Variants in CHRM3 observed in about 807,000 individuals in gnomAD.
CHRM3 encodes muscarinic acetylcholine receptor M3.
CHRM3 carries 11 observed loss-of-function variants against 41.8 expected under a neutral mutation model. That is an observed-to-expected ratio of 0.26 (90% CI 0.17 to 0.44). The LOEUF (loss-of-function observed/expected upper bound fraction) is 0.44, where lower values mean the gene tolerates loss of function less well. Among genes scored for constraint, CHRM3 ranks in the 20% least tolerant of loss-of-function variants. CHRM3 has a pLI of 1.00. For missense variants in CHRM3, 571 were observed against 745.4 expected (o/e 0.77, Z 2.72); for synonymous variants, 297 against 301.4 (o/e 0.99, Z 0.15).
rs572209105 is a variant in CHRM3, at chr1:239,422,792, T to C, written c.-521+35565T>C. Among the ~76,000 whole-genome samples, 20 of 143,794 alleles carry C rather than the reference T, an allele frequency of 1.4e-4. No individual in the cohort carries two copies. The South Asian group carries it at 4.4e-3, about 31-fold the overall frequency. The allele number at this position is 143,794 out of a possible 152,430, so 94.3% of individuals were successfully genotyped here. On this transcript the variant is annotated intron_variant, in intron 1 of 6. Transcript: ENST00000676153. Reference sequence around the variant, plus strand: ...CCTGGGTGACAAGAGTGAGACTCTATCTTAAAAAAAACAAAAACAAAAACA... The same window carrying C: ...CCTGGGTGACAAGAGTGAGACTCTACCTTAAAAAAAACAAAAACAAAAACA...
chr1:239,580,704 TACACACACACAC>T (rs1553332738), intron 3 of CHRM3, among the ~76,000 whole-genome samples: 7 of 131,086 alleles, frequency 5.3e-5, no homozygotes, highest in African/African-American at 1.7e-4. Context: ...TATATATATA[TACACACACACAC>T]ACACACACAC....
chr1:239,723,392 G>A (rs976878487), intron 5 of CHRM3, among the ~76,000 whole-genome samples: 3 of 151,864 alleles, frequency 2.0e-5, no homozygotes, highest in African/African-American at 4.8e-5. Context: ...GGTTAACAAT[G>A]TATATTATCT....
intron 5 of CHRM3, among the ~76,000 whole-genome samples, chr1:239,774,660 T>C (rs1272882024): frequency 1.3e-5 from 2 of 152,186 alleles, no homozygotes; most frequent in African/African-American, 4.8e-5. Context: ...ATCCTTTCCT[T>C]CTGGCAGCTT....
intron 5 of CHRM3, among the ~76,000 whole-genome samples, chr1:239,714,663 ATTCAAG>A (rs1662160589): frequency 6.6e-6 from 1 of 152,184 alleles, no homozygotes. Context: ...TAGGGAAGAA[ATTCAAG>A]TGTTTTAAGC....
At chr1:239,785,463 ACCC>A (rs1267057460) in intron 5 of CHRM3, among the ~76,000 whole-genome samples, 1 of 152,000 alleles carries the variant, frequency 6.6e-6, no homozygotes, top group East Asian at 1.9e-4. Context: ...AATTGTGTAA[ACCC>A]TTCGCTTTCT....
chr1:239,576,274 C>G (rs951650912), intron 3 of CHRM3, among the ~76,000 whole-genome samples: 1 of 68,908 alleles, frequency 1.5e-5, no homozygotes, highest in Non-Finnish European at 4.4e-5. Context: ...TCCCTACCCA[C>G]CCCCATCCCC....
At chr1:239,476,507 C>T (rs1394120137) in intron 1 of CHRM3, among the ~76,000 whole-genome samples, 1 of 151,652 alleles carries the variant, frequency 6.6e-6, no homozygotes, top group Non-Finnish European at 1.5e-5. Flanking sequence ...ACTGTAAAAC[C>T]TTCTTAGTAA....
At chr1:239,637,606 G>C (rs538488358) in intron 4 of CHRM3, among the ~76,000 whole-genome samples, 7 of 133,424 alleles carry the variant, frequency 5.2e-5, no homozygotes, top group Non-Finnish European at 9.2e-5. Context: ...GAGTCTGAAA[G>C]CCTTTGCTCT....
chr1:239,597,341 G>A (rs939600849), intron 3 of CHRM3, among the ~76,000 whole-genome samples: 3 of 152,222 alleles, frequency 2.0e-5, no homozygotes, highest in African/African-American at 7.2e-5. Flanking sequence ...CTATACACAA[G>A]GAAATTTATT....
chr1:239,576,792 A>G (rs1235194816), intron 3 of CHRM3, among the ~76,000 whole-genome samples: 1 of 151,694 alleles, frequency 6.6e-6, no homozygotes, highest in Non-Finnish European at 1.5e-5. Context: ...CCTATCTAAA[A>G]AAAAAAAAAA....
chr1:239,485,258 G>A (rs1180511231), intron 1 of CHRM3, among the ~76,000 whole-genome samples: 1 of 152,116 alleles, frequency 6.6e-6, no homozygotes, highest in Admixed American at 6.5e-5. Context: ...GCTCATGATT[G>A]TCAGCATCAC....
chr1:239,519,871 C>T (rs1421496585), intron 2 of CHRM3, among the ~76,000 whole-genome samples: 11 of 151,456 alleles, frequency 7.3e-5, no homozygotes, highest in Admixed American at 3.9e-4. Context: ...CCTCAGCCTC[C>T]CTAGTAGCTG....
chr1:239,490,747 T>C (rs1046997536), intron 1 of CHRM3, among the ~76,000 whole-genome samples: 5 of 151,906 alleles, frequency 3.3e-5, no homozygotes, highest in Non-Finnish European at 7.4e-5. Context: ...TTATTATTTA[T>C]TTATTTTATA....
At chr1:239,853,707 T>C (rs1674882482) in intron 6 of CHRM3, among the ~76,000 whole-genome samples, 1 of 152,124 alleles carries the variant, frequency 6.6e-6, no homozygotes, top group South Asian at 2.1e-4. Flanking sequence ...CTGATTCACC[T>C]GTGTGTTCCT....
In CHRM3 at chr1:239,725,698, T is replaced by G. The variant is rs552894587; in HGVS notation, c.-147+47410T>G. 5.3e-5 allele frequency among the ~76,000 whole-genome samples: 8 copies of G among 152,034 alleles called. No homozygotes were observed. The East Asian group carries it at 1.6e-3, about 30-fold the overall frequency. ...TGTTTAACCAACAGTAATGAAAGCT[T>G]TGCTGTCTAGCTAAACGCTTTATAA... is the stretch of plus-strand genomic sequence containing the variant. On this transcript the variant is annotated intron_variant, in intron 5 of 6. Transcript: ENST00000676153.
intron 1 of CHRM3, among the ~76,000 whole-genome samples, chr1:239,425,889 G>A (rs1287755613): frequency 6.6e-6 from 1 of 152,130 alleles, no homozygotes; most frequent in East Asian, 1.9e-4. Flanking sequence ...TGACATATGG[G>A]TCTCTTATAA....
intron 1 of CHRM3, among the ~76,000 whole-genome samples, chr1:239,394,192 CAA>C (rs1659285456): frequency 6.6e-6 from 1 of 152,170 alleles, no homozygotes; most frequent in Non-Finnish European, 1.5e-5. Flanking sequence ...TATTCTTTCA[CAA>C]TTCTGGAAGC....
chr1:239,446,139 G>A (rs1393202903), intron 1 of CHRM3, among the ~76,000 whole-genome samples: 1 of 152,152 alleles, frequency 6.6e-6, no homozygotes, highest in African/African-American at 2.4e-5. Flanking sequence ...GTTTCACCAT[G>A]TTGGCCAGGA....
intron 4 of CHRM3, among the ~76,000 whole-genome samples, chr1:239,668,159 C>A (rs891730872): frequency 8.3e-6 from 1 of 120,244 alleles, no homozygotes; most frequent in Admixed American, 1.2e-4. Flanking sequence ...AGTGCAGTGG[C>A]GTGATCTTGG....
Sources: allele counts gnomAD v4.1 joint callset (sites outside exome capture counted in the v4.1 genomes callset), GRCh38; gene constraint gnomAD v4.1.1; transcripts MANE v1.5; gene names NCBI Gene and HGNC (gene_info 2026-07-23, HGNC 2026-07-21).